B3GALNT2: variants seen among roughly 807,000 people sequenced by gnomAD.
The protein encoded by B3GALNT2 is beta-1,3-N-acetylgalactosaminyltransferase 2, also known as UDP-GalNAc:beta-1,3-N-acetylgalactosaminyltransferase 2.
Under a neutral mutation model 61.1 loss-of-function variants are expected in B3GALNT2, and 53 were observed. The observed-to-expected ratio is 0.87, with a 90% CI of 0.70 to 1.09. The LOEUF (loss-of-function observed/expected upper bound fraction) is 1.09, where lower values mean the gene tolerates loss of function less well. Among genes scored for constraint, B3GALNT2 ranks in the 50% least tolerant of loss-of-function variants. The pLI is 0.00. For missense variants in B3GALNT2, 544 were observed against 623.0 expected (o/e 0.87, Z 1.35); for synonymous variants, 223 against 237.4 (o/e 0.94, Z 0.56).
chr1:235,446,491 C>T (rs1401775785), downstream of B3GALNT2, among the ~76,000 whole-genome samples: 1 of 151,886 alleles, frequency 6.6e-6, no homozygotes, highest in Non-Finnish European at 1.5e-5. Flanking sequence ...ACCTATACAT[C>T]CTTATATGAA....
intron 6 of B3GALNT2, among the ~76,000 whole-genome samples, chr1:235,469,379 C>G (rs1319292089): frequency 6.6e-6 from 1 of 152,132 alleles, no homozygotes; most frequent in Non-Finnish European, 1.5e-5. Context: ...CGTTTGTTTA[C>G]TAAAGTTCAT....
At chr1:235,456,934 C>T (rs1274100418) in intron 8 of B3GALNT2, among the ~76,000 whole-genome samples, 1 of 152,010 alleles carries the variant, frequency 6.6e-6, no homozygotes, top group African/African-American at 2.4e-5. Context: ...TAAACTTAAC[C>T]TAGTATTCGA....
intron 6 of B3GALNT2, 53 bp from the exon 7 acceptor site, chr1:235,465,767 A>G (rs995735250): frequency 4.4e-6 from 7 of 1,587,496 alleles, no homozygotes; most frequent in Admixed American, 3.6e-5. Context: ...TACACTGATC[A>G]TATTTTAAAA....
intron 1 of B3GALNT2, among the ~76,000 whole-genome samples, chr1:235,498,759 G>T (rs1403463274): frequency 1.4e-5 from 2 of 143,698 alleles, no homozygotes; most frequent in African/African-American, 2.6e-5. Context: ...CAGGAGACTT[G>T]CTTGAACCTG....
chr1:235,444,703 C>A (rs750499529), downstream of B3GALNT2, among the ~76,000 whole-genome samples: 1 of 152,178 alleles, frequency 6.6e-6, no homozygotes, highest in Non-Finnish European at 1.5e-5. Flanking sequence ...CCATGCCTGG[C>A]AGGCCAGGAC....
downstream of B3GALNT2, chr1:235,442,928 T>C (rs936865670): frequency 1.2e-6 from 2 of 1,613,842 alleles, no homozygotes; most frequent in Non-Finnish European, 1.7e-6. Context: ...AGAACCAGCC[T>C]GTCTTTTCCT....
chr1:235,459,414 G>A (rs1288925062), intron 7 of B3GALNT2, among the ~76,000 whole-genome samples: 2 of 152,130 alleles, frequency 1.3e-5, no homozygotes, highest in East Asian at 1.9e-4. Context: ...CTTAAGCCCA[G>A]GAGTTTGAGA....
chr1:235,481,895 T>C (rs1425160275), intron 4 of B3GALNT2, among the ~76,000 whole-genome samples: 2 of 152,206 alleles, frequency 1.3e-5, no homozygotes, highest in Non-Finnish European at 2.9e-5. Context: ...CTCTGTCTTA[T>C]ATTTATGTCT....
downstream of B3GALNT2, among the ~76,000 whole-genome samples, chr1:235,445,094 A>G (rs1013371417): frequency 5.9e-5 from 9 of 152,366 alleles, no homozygotes; most frequent in Middle Eastern, 0.01. Context: ...AGATTCGACT[A>G]TCCATAGAAA....
chr1:235,461,518 T>TTG (rs1683432399), intron 7 of B3GALNT2, among the ~76,000 whole-genome samples: 2 of 132,830 alleles, frequency 1.5e-5, no homozygotes, highest in South Asian at 2.7e-4. Flanking sequence ...TTTTTTTTTT[T>TTG]TTTTTTTTTT....
At chr1:235,489,634 A>G (rs1684973060) in intron 2 of B3GALNT2, among the ~76,000 whole-genome samples, 1 of 152,182 alleles carries the variant, frequency 6.6e-6, no homozygotes, top group East Asian at 1.9e-4. Context: ...TCTATTTCAG[A>G]AAGTGTTCCT....
At chr1:235,441,842 C>A in the B3GALNT2 span, 1 of 1,613,988 alleles carries the variant, frequency 6.2e-7, no homozygotes. Flanking sequence ...ATTGGGAACT[C>A]AAAACACAGC....
intron 5 of B3GALNT2, 175 bp downstream of exon 5, chr1:235,479,879 A>G (rs1322712041): frequency 8.8e-7 from 1 of 1,131,992 alleles, no homozygotes; most frequent in East Asian, 2.8e-5. Context: ...TGAAGTCCTC[A>G]GGAGGTTTGA....
At chr1:235,503,507 G>A (rs1170869237) in intron 1 of B3GALNT2, among the ~76,000 whole-genome samples, 2 of 152,326 alleles carry the variant, frequency 1.3e-5, no homozygotes, top group Admixed American at 6.5e-5. Flanking sequence ...CATGTAAACT[G>A]CATTAGCAGG....
At chr1:235,453,642 T>C (rs704707) in intron 10 of B3GALNT2, among the ~76,000 whole-genome samples, 83,969 of 151,884 alleles carry the variant, frequency 0.55, 23,446 homozygotes, top group East Asian at 0.66. Context: ...AGATAGGGTT[T>C]TGCCATGTTG....
intron 6 of B3GALNT2, among the ~76,000 whole-genome samples, chr1:235,468,436 A>G (rs984482329): frequency 7.5e-5 from 11 of 146,438 alleles, no homozygotes; most frequent in African/African-American, 2.5e-4. Context: ...CTAGTTCTCA[A>G]CTCAGAAACC....
At chr1:235,484,105 C>T (rs1684683767) in intron 4 of B3GALNT2, among the ~76,000 whole-genome samples, 1 of 152,172 alleles carries the variant, frequency 6.6e-6, no homozygotes, top group African/African-American at 2.4e-5. Context: ...TCAACTCCTT[C>T]TCTTCTAGAT....
At chr1:235,444,315 C>T (rs996813355), downstream of B3GALNT2, among the ~76,000 whole-genome samples, 3 of 152,132 alleles carry the variant, frequency 2.0e-5, no homozygotes, top group Non-Finnish European at 2.9e-5. Context: ...TGATTTCCCC[C>T]TTCATTATTC....
Position 235,474,657 on chromosome 1 carries a change from T to C in B3GALNT2, c.652-3697A>G, listed in dbSNP as rs1246079897. ...CAACATGGTGAAACCCTGTCTGTAT[T>C]AAAAATAAAAAAAATTAGCCAGGTG... On this transcript the variant is annotated intron_variant, in intron 5 of 11. Coordinates refer to ENST00000366600, the MANE Select transcript of B3GALNT2 (RefSeq NM_152490.5). Among the ~76,000 whole-genome samples the C allele has an allele frequency of 2.0e-5, 3 of 151,794 alleles. No individual in the cohort carries two copies. In the East Asian group the frequency reaches 5.8e-4, roughly 29 times the overall value.
Sources: allele counts gnomAD v4.1 joint callset (sites outside exome capture counted in the v4.1 genomes callset), GRCh38; gene constraint gnomAD v4.1.1; transcripts MANE v1.5; gene names NCBI Gene and HGNC (gene_info 2026-07-23, HGNC 2026-07-21).